Variants in AHNAK observed in about 807,000 individuals in gnomAD.
AHNAK encodes AHNAK nucleoprotein.
In AHNAK, 23 loss-of-function variants were observed where a neutral mutation model predicts 37.8. The observed-to-expected ratio is 0.61, with a 90% CI of 0.44 to 0.86. AHNAK has a LOEUF of 0.86. AHNAK is among the 40% of genes least tolerant of loss of function. The pLI is 0.00. For missense variants in AHNAK, 7,411 were observed against 7,319.4 expected, an observed-to-expected ratio of 1.01 and a Z score of -0.46; for synonymous variants, 2,481 against 2,636.3, an observed-to-expected ratio of 0.94 and a Z score of 1.80.
At chr11:62,498,479 CCAGA>C (rs1383197158) in intron 4 of AHNAK, among the ~76,000 whole-genome samples, 2 of 147,566 alleles carry the variant, frequency 1.4e-5, no homozygotes, top group African/African-American at 5.0e-5. Context: ...ATCTTTGGGG[CCAGA>C]CATAGTGGCT....
intron 5 of AHNAK, among the ~76,000 whole-genome samples, chr11:62,489,503 C>T (rs1012114193): frequency 2.0e-5 from 3 of 152,102 alleles, no homozygotes; most frequent in African/African-American, 7.2e-5. Context: ...CTCAGTCTAT[C>T]CATGGAGGAA....
rs1283478540 is a variant in AHNAK, at chr11:62,535,929, C to T, written c.154+16G>A. Reference sequence around the variant, plus strand: ...CCCAACCACCAGCACCCAGTCCACACCCTGGGGTGACTCACCCTCCTTGAC... The same window carrying T: ...CCCAACCACCAGCACCCAGTCCACATCCTGGGGTGACTCACCCTCCTTGAC... On this transcript the variant is annotated intron_variant, in intron 3 of 4. Transcript: ENST00000378024. The T allele has an allele frequency of 1.1e-5, 18 of 1,605,982 alleles. No individual in the cohort carries two copies. The highest frequency in any genetic ancestry group is 1.5e-5 in the Non-Finnish European group (18 of 1,177,802).
At chr11:62,459,870 TGGC>T (rs1173381890) in intron 5 of AHNAK, among the ~76,000 whole-genome samples, 12 of 152,180 alleles carry the variant, frequency 7.9e-5, no homozygotes, top group Non-Finnish European at 7.4e-5. Flanking sequence ...CCAGACATGG[TGGC>T]TCACACCTGT....
chr11:62,443,317 G>C (rs1392233040), intron 5 of AHNAK, among the ~76,000 whole-genome samples: 1 of 123,954 alleles, frequency 8.1e-6, no homozygotes, highest in East Asian at 2.7e-4. Flanking sequence ...TTATTGCCCA[G>C]GCTGGAGTGC....
chr11:62,544,246 C>T (rs978142524), intron 1 of AHNAK, among the ~76,000 whole-genome samples: 12 of 152,294 alleles, frequency 7.9e-5, no homozygotes, highest in African/African-American at 2.9e-4. Flanking sequence ...TGACGCTGGA[C>T]CTTCTCCCTC....
intron 1 of AHNAK, among the ~76,000 whole-genome samples, chr11:62,538,617 C>T (rs1240654610): frequency 1.3e-5 from 2 of 152,218 alleles, no homozygotes; most frequent in East Asian, 1.9e-4. Context: ...GCACTACAGA[C>T]GGAACCAGCC....
intron 1 of AHNAK, chr11:62,545,823 C>G (rs981850539): frequency 1.3e-5 from 2 of 152,432 alleles, no homozygotes; most frequent in Non-Finnish European, 2.9e-5. Flanking sequence ...CCGGGCCAGG[C>G]TCTGGGGCGG....
At chr11:62,490,407 G>C (rs1032177253) in intron 5 of AHNAK, among the ~76,000 whole-genome samples, 1 of 151,918 alleles carries the variant, frequency 6.6e-6, no homozygotes, top group African/African-American at 2.4e-5. Flanking sequence ...CACCGTTTTG[G>C]CCAGGCTGGT....
In AHNAK at chr11:62,516,809, T is replaced by A. The variant is rs746588194; in HGVS notation, c.17608A>T (p.Ser5870Cys). Residue 5870 changes from serine (S) to cysteine (C), a missense_variant, in exon 5 of 5, where the codon AGT becomes TGT. Physicochemically the swap from Ser to Cys is moderately radical, Grantham distance 112. Transcript: ENST00000378024. Reference sequence around the variant, plus strand: ...AGCTGGATGCCAACCTTATTCCCACTGTCATTGCTAGAAGAGGAGGACAGT... The same window carrying A: ...AGCTGGATGCCAACCTTATTCCCACAGTCATTGCTAGAAGAGGAGGACAGT... ...SRLSSSSSND[S>C]GNKVGIQLPE... 6.2e-7 allele frequency: 1 copy of A among 1,614,086 alleles called. No individual in the cohort carries two copies. The highest frequency in any genetic ancestry group is 8.5e-7 in the Non-Finnish European group (1 of 1,179,982).
At chr11:62,489,407 C>T (rs1003201536) in intron 5 of AHNAK, among the ~76,000 whole-genome samples, 1 of 152,008 alleles carries the variant, frequency 6.6e-6, no homozygotes. Flanking sequence ...AACTTCACCC[C>T]GAGAGCCATG....
chr11:62,530,354 G>A lies in AHNAK; in HGVS notation c.4063C>T (p.Pro1355Ser). Residue 1355 changes from proline (P) to serine (S), a missense_variant, in exon 5 of 5, where the codon CCA becomes TCA. Physicochemically the swap from Pro to Ser is moderately conservative, Grantham distance 74 (BLOSUM62 -1). Transcript: ENST00000378024. ...LPEVEGEMKV[P>S]DVDIKGPKVD... Reference sequence around the variant, plus strand: ...TTGGGCCCTTTAATGTCAACATCTGGCACTTTCATTTCACCTTCTACCTCA... The same window carrying A: ...TTGGGCCCTTTAATGTCAACATCTGACACTTTCATTTCACCTTCTACCTCA... The A allele has an allele frequency of 6.2e-7, 1 of 1,613,870 alleles. No individual in the cohort carries two copies. Among genetic ancestry groups the A allele is most frequent in the Non-Finnish European group, 8.5e-7 (1 of 1,179,974 alleles).
chr11:62,469,890 A>G (rs1938995547), intron 5 of AHNAK, among the ~76,000 whole-genome samples: 1 of 152,250 alleles, frequency 6.6e-6, no homozygotes, highest in Admixed American at 6.5e-5. Flanking sequence ...ACAAGATAGG[A>G]AAAACAAAAA....
At position 62,433,795 on chromosome 11, in the gene AHNAK, A is replaced by G. The variant is rs776493333; in HGVS notation, c.*89T>C. ...AGGTGTTTGTTGCCCTTGGCACAGCAATATGTAATTTCCCATTTTTAGAAC... is the reference window on the plus strand; with the variant it reads ...AGGTGTTTGTTGCCCTTGGCACAGCGATATGTAATTTCCCATTTTTAGAAC... On this transcript the variant is annotated 3_prime_UTR_variant, in exon 6 of 6. Transcript: ENST00000257247. 5.7e-6 allele frequency: 9 copies of G among 1,572,426 alleles called. No homozygotes were observed. The African/African-American group carries it at 1.1e-4, about 19-fold the overall frequency.
downstream of AHNAK, among the ~76,000 whole-genome samples, chr11:62,515,377 C>T (rs1409668173): frequency 5.3e-5 from 8 of 152,064 alleles, 1 homozygote; most frequent in Non-Finnish European, 1.0e-4. Flanking sequence ...ATTAGCCAGG[C>T]GTAGAGGCAA....
intron 5 of AHNAK, among the ~76,000 whole-genome samples, chr11:62,473,551 G>A (rs1458769100): frequency 6.6e-6 from 1 of 152,046 alleles, no homozygotes; most frequent in Non-Finnish European, 1.5e-5. Flanking sequence ...CGGGCGTGGT[G>A]GCAGGCGCCT....
rs763747478 is a variant in AHNAK, at chr11:62,532,678, G to A, written c.1739C>T (p.Ala580Val). The A allele has an allele frequency of 1.3e-5, 21 of 1,613,700 alleles. No homozygotes were observed. The highest frequency in any genetic ancestry group is 8.5e-7 in the Non-Finnish European group (1 of 1,179,962). The change falls in exon 5 of 5, where the codon GCA becomes GTA. Residue 580 changes from alanine to valine, a missense_variant. Physicochemically the swap from Ala to Val is moderately conservative, Grantham distance 64. Coordinates refer to ENST00000378024, the MANE Select transcript of AHNAK (RefSeq NM_001620.3). ...SMSEVDLNVA[A>V]PKVKGGVDVT... is the part of the protein sequence containing the mutation. ...ATCTACACCCCCTTTCACTTTAGGT[G>A]CGGCCACATTTAAGTCTACTTCTGA...
chr11:62,452,574 T>C (rs993204470), intron 5 of AHNAK, among the ~76,000 whole-genome samples: 1 of 152,216 alleles, frequency 6.6e-6, no homozygotes, highest in Non-Finnish European at 1.5e-5. Flanking sequence ...CATTCAAGCC[T>C]TCATGTTCAT....
Position 62,521,256 on chromosome 11 carries a change from C to T in AHNAK, c.13161G>A (p.Met4387Ile), listed in dbSNP as rs1277441019. 6.2e-7 allele frequency: 1 copy of T among 1,614,016 alleles called. No homozygotes were observed. The highest frequency in any genetic ancestry group is 2.2e-5 in the East Asian group (1 of 44,880). ...EMNIKAPKIS[M>I]PDIDFNLKGP... ...CCTTCAAGTTAAAGTCAATGTCAGGCATGGAGATTTTGGGGGCCTTGATGT... is the reference window on the plus strand; with the variant it reads ...CCTTCAAGTTAAAGTCAATGTCAGGTATGGAGATTTTGGGGGCCTTGATGT... The change falls in exon 5 of 5, where the codon ATG (methionine) becomes ATA (isoleucine). Residue 4387 changes from methionine (M) to isoleucine (I), a missense_variant. Coordinates refer to ENST00000378024, the MANE Select transcript of AHNAK (RefSeq NM_001620.3).
intron 1 of AHNAK, among the ~76,000 whole-genome samples, chr11:62,543,177 G>C (rs1941190277): frequency 1.3e-5 from 2 of 152,184 alleles, no homozygotes; most frequent in South Asian, 4.1e-4. Flanking sequence ...CACCCCCAAG[G>C]CTGTCCTCAA....
Sources: allele counts gnomAD v4.1 joint callset (sites outside exome capture counted in the v4.1 genomes callset), GRCh38; gene constraint gnomAD v4.1.1; transcripts MANE v1.5; gene names NCBI Gene and HGNC (gene_info 2026-07-23, HGNC 2026-07-21).